Variants in PDE11A observed in about 807,000 individuals in gnomAD.
PDE11A encodes dual 3',5'-cyclic-AMP and -GMP phosphodiesterase 11A.
PDE11A carries 100 observed loss-of-function variants against 100.5 expected under a neutral mutation model. That is an observed-to-expected ratio of 1.00 (90% CI 0.85 to 1.18). PDE11A has a LOEUF of 1.18. Ranked by LOEUF, PDE11A falls within the 50% of genes most tolerant of loss-of-function variation. The pLI is 0.00. For synonymous variants in PDE11A, 381 were observed against 420.8 expected (o/e 0.91, Z 1.16); for missense variants, 1,141 against 1,152.6 (o/e 0.99, Z 0.15).
At chr2:177,764,548 A>G (rs1265867487) in intron 10 of PDE11A, among the ~76,000 whole-genome samples, 1 of 152,234 alleles carries the variant, frequency 6.6e-6, no homozygotes, top group African/African-American at 2.4e-5. Flanking sequence ...TTGGGGTACT[A>G]AACTCATTTT....
At chr2:177,853,341 A>T (rs1432543719) in intron 5 of PDE11A, among the ~76,000 whole-genome samples, 1 of 152,004 alleles carries the variant, frequency 6.6e-6, no homozygotes, top group Non-Finnish European at 1.5e-5. Context: ...CCGGCTCTTT[A>T]TATCACAAAG....
intron 2 of PDE11A, chr2:178,104,188 A>G: frequency 2.1e-6 from 2 of 930,506 alleles, no homozygotes; most frequent in Non-Finnish European, 3.5e-6. Flanking sequence ...AGTAATATGT[A>G]AAGAGTGGTC....
At chr2:177,917,080 T>C (rs2084966075) in intron 2 of PDE11A, among the ~76,000 whole-genome samples, 2 of 152,080 alleles carry the variant, frequency 1.3e-5, no homozygotes, top group African/African-American at 4.8e-5. Flanking sequence ...CCGGCCAACT[T>C]GAAGGTTCTT....
chr2:177,885,503 T>A (rs1224360682), intron 4 of PDE11A, among the ~76,000 whole-genome samples: 1 of 152,124 alleles, frequency 6.6e-6, no homozygotes, highest in Non-Finnish European at 1.5e-5. Context: ...GTTTGGGTAA[T>A]CATCAGAGGA....
At chr2:178,101,554 C>A (rs1174989366) in intron 2 of PDE11A, among the ~76,000 whole-genome samples, 1 of 152,200 alleles carries the variant, frequency 6.6e-6, no homozygotes, top group Non-Finnish European at 1.5e-5. Flanking sequence ...CAGACTTACT[C>A]ATCTAGCTCA....
chr2:177,916,714 T>C (rs2084957905), intron 2 of PDE11A, among the ~76,000 whole-genome samples: 1 of 151,176 alleles, frequency 6.6e-6, no homozygotes, highest in Non-Finnish European at 1.5e-5. Context: ...AGAGGACATT[T>C]CAACTTGAAG....
chr2:178,075,699 C>A (rs890515944), upstream of PDE11A, among the ~76,000 whole-genome samples: 1 of 152,010 alleles, frequency 6.6e-6, no homozygotes, highest in South Asian at 2.1e-4. Context: ...GGTATTGAAG[C>A]CTGTTGATAC....
At chr2:177,991,426 G>A (rs925517013) in intron 2 of PDE11A, among the ~76,000 whole-genome samples, 5 of 150,826 alleles carry the variant, frequency 3.3e-5, no homozygotes, top group African/African-American at 1.2e-4. Flanking sequence ...ATGAGGTCAG[G>A]AGTTTGAGAC....
chr2:177,765,152 G>T (rs2082220823), intron 10 of PDE11A, among the ~76,000 whole-genome samples: 1 of 152,068 alleles, frequency 6.6e-6, no homozygotes, highest in African/African-American at 2.4e-5. Context: ...GAAGTAATAG[G>T]GTTATCAGAA....
In PDE11A at chr2:177,875,087, G is replaced by T. The variant is rs143680907; in HGVS notation, c.1367+772C>A. Among the ~76,000 whole-genome samples, 1,204 of 152,124 alleles carry T rather than the reference G, an allele frequency of 7.9e-3. 19 individuals carry two copies. Among genetic ancestry groups the T allele is most frequent in the African/African-American group, 0.027 (1,114 of 41,506 alleles). ...AAAAATACAAAAATTAGCCAGGTGTGGTGGCATGCCCTGGTAATCCCAGCT... is the reference window on the plus strand; with the variant it reads ...AAAAATACAAAAATTAGCCAGGTGTTGTGGCATGCCCTGGTAATCCCAGCT... On this transcript the variant is annotated intron_variant, in intron 5 of 19. Transcript: ENST00000286063.
intron 2 of PDE11A, among the ~76,000 whole-genome samples, chr2:178,099,295 G>T (rs376277952): frequency 6.6e-6 from 1 of 151,576 alleles, no homozygotes; most frequent in African/African-American, 2.4e-5. Context: ...AAAATTAGCC[G>T]CATGTGGTGG....
chr2:178,042,471 CTG>C (rs1304283427), intron 1 of PDE11A, among the ~76,000 whole-genome samples: 1 of 64,046 alleles, frequency 1.6e-5, no homozygotes, highest in East Asian at 4.8e-4. Flanking sequence ...GAGCAAGACT[CTG>C]TCTCAAAAAA....
intron 2 of PDE11A, among the ~76,000 whole-genome samples, chr2:177,917,464 T>C (rs2084970672): frequency 6.6e-6 from 1 of 152,218 alleles, no homozygotes; most frequent in Non-Finnish European, 1.5e-5. Context: ...AGGAAAGCTA[T>C]AAATTTAAAC....
intron 6 of PDE11A, among the ~76,000 whole-genome samples, chr2:177,829,251 TA>T (rs769269066): frequency 6.6e-6 from 1 of 152,166 alleles, no homozygotes; most frequent in Non-Finnish European, 1.5e-5. Flanking sequence ...AAATACCTAT[TA>T]AAAATATGCA....
chr2:177,735,413 C>A (rs1311523886), intron 10 of PDE11A, among the ~76,000 whole-genome samples: 16 of 101,222 alleles, frequency 1.6e-4, no homozygotes, highest in African/African-American at 2.9e-4. Flanking sequence ...AAAAAAAAAC[C>A]CCAAAAAACC....
chr2:177,634,579 G>A (rs143774215), intron 19 of PDE11A, among the ~76,000 whole-genome samples: 2,354 of 151,932 alleles, frequency 0.015, 60 homozygotes, highest in African/African-American at 0.054. Context: ...TAGTAGGGAC[G>A]GGGTTTCACC....
At chr2:177,937,374 A>G (rs1001741103) in intron 2 of PDE11A, among the ~76,000 whole-genome samples, 6 of 147,818 alleles carry the variant, frequency 4.1e-5, no homozygotes, top group African/African-American at 1.5e-4. Flanking sequence ...CTGGAGTGCA[A>G]TGGTGCAATC....
chr2:177,978,011 G>A (rs866848311), intron 2 of PDE11A, among the ~76,000 whole-genome samples: 2 of 15,278 alleles, frequency 1.3e-4, no homozygotes, highest in East Asian at 1.8e-3. Flanking sequence ...GGACATAGGC[G>A]TGGGCAAGGA....
At chr2:177,969,133 C>G (rs2085736672) in intron 2 of PDE11A, among the ~76,000 whole-genome samples, 1 of 152,136 alleles carries the variant, frequency 6.6e-6, no homozygotes, top group Non-Finnish European at 1.5e-5. Flanking sequence ...ATGAATGAAG[C>G]TGGAAGCCAT....
Sources: allele counts gnomAD v4.1 joint callset (sites outside exome capture counted in the v4.1 genomes callset), GRCh38; gene constraint gnomAD v4.1.1; transcripts MANE v1.5; gene names NCBI Gene and HGNC (gene_info 2026-07-23, HGNC 2026-07-21).